Variants in EGFR observed in about 807,000 individuals in gnomAD.
EGFR encodes the protein avian erythroblastic leukemia viral (v-erb-b) oncogene homolog.
In EGFR, 58 loss-of-function variants were observed where a neutral mutation model predicts 143.0. The observed-to-expected ratio is 0.41, with a 90% CI of 0.33 to 0.50. The LOEUF (loss-of-function observed/expected upper bound fraction) is 0.50, where lower values mean the gene tolerates loss of function less well. EGFR is among the 20% of genes least tolerant of loss of function. The pLI is 0.39. For synonymous variants in EGFR, 613 were observed against 594.4 expected, an observed-to-expected ratio of 1.03 and a Z score of -0.45; for missense variants, 1,307 against 1,579.0, an observed-to-expected ratio of 0.83 and a Z score of 2.92.
At chr7:55,133,191 C>T (rs933210090) in intron 1 of EGFR, among the ~76,000 whole-genome samples, 1 of 152,314 alleles carries the variant, frequency 6.6e-6, no homozygotes, top group South Asian at 2.1e-4. Flanking sequence ...TGCACATCAC[C>T]TTGCTAGGGT....
intron 1 of EGFR, among the ~76,000 whole-genome samples, chr7:55,023,907 C>G (rs1435738807): frequency 6.6e-6 from 1 of 152,158 alleles, no homozygotes; most frequent in Non-Finnish European, 1.5e-5. Context: ...AATGAATTTT[C>G]TAAGAAAATT....
intron 27 of EGFR, 111 bp from the exon 28 acceptor site, chr7:55,205,145 C>A (rs1216226247): frequency 1.3e-6 from 2 of 1,520,546 alleles, no homozygotes; most frequent in South Asian, 2.4e-5. Context: ...GGCTCCTGCT[C>A]CCTGTCATAA....
intron 1 of EGFR, among the ~76,000 whole-genome samples, chr7:55,052,648 T>C (rs753647166): frequency 1.3e-5 from 2 of 152,144 alleles, no homozygotes; most frequent in Admixed American, 6.5e-5. Context: ...TGCAGCCAGG[T>C]AGAGAAATGC....
At chr7:55,152,337 A>G in intron 5 of EGFR, 1 of 752,058 alleles carries the variant, frequency 1.3e-6, no homozygotes, top group Non-Finnish European at 2.4e-6. Flanking sequence ...ACTTGATCTC[A>G]TGAGTTCTCT....
At chr7:55,159,296 C>G (rs1361185658) in intron 11 of EGFR, among the ~76,000 whole-genome samples, 1 of 152,122 alleles carries the variant, frequency 6.6e-6, no homozygotes, top group Non-Finnish European at 1.5e-5. Flanking sequence ...GCTAGTGGTT[C>G]TCACACCCAT....
rs751473624 is a variant in EGFR at position 55,151,276 on chromosome 7, ATTACTT to A, written c.560-13_560-8del. 1 of 1,613,890 alleles carries A rather than the reference ATTACTT, an allele frequency of 6.2e-7. No individual in the cohort carries two copies. Among genetic ancestry groups the A allele is most frequent in the East Asian group, 2.2e-5 (1 of 44,882 alleles). On this transcript the variant is annotated splice_polypyrimidine_tract_variant and intron_variant, in intron 4 of 27. Transcript: ENST00000275493. The stretch of plus-strand genomic sequence containing the variant: ...CATCATTTCACTGAGATATGCATCT[ATTACTT>A]TTACATTTCAGGCCAAAAGTGTGAT...
chr7:55,202,936 T>G (rs1787918137), intron 27 of EGFR: 1 of 615,880 alleles, frequency 1.6e-6, no homozygotes, highest in Non-Finnish European at 2.9e-6. Flanking sequence ...TGTGTACATC[T>G]GTGTATGTGT....
rs138267412 is a variant in EGFR, at chr7:55,177,361, C to T, written c.2283+2541C>T. Among the ~76,000 whole-genome samples, 29 of 152,322 alleles carry T rather than the reference C, an allele frequency of 1.9e-4. No homozygotes were observed. The East Asian group carries it at 5.4e-3, about 28-fold the overall frequency. ...GCACCTTAATCCTGTGGCAGGACAG[C>T]TCATGGGGCCATGTGTGCTCTTAGA... On this transcript the variant is annotated intron_variant, in intron 19 of 27. Transcript: ENST00000275493.
chr7:55,075,758 T>C (rs1284556743), intron 1 of EGFR, among the ~76,000 whole-genome samples: 1 of 152,202 alleles, frequency 6.6e-6, no homozygotes, highest in Non-Finnish European at 1.5e-5. Context: ...CAGTGTACTC[T>C]GGGATTGGAA....
chr7:55,022,151 A>G (rs949651685), intron 1 of EGFR, among the ~76,000 whole-genome samples: 2 of 152,166 alleles, frequency 1.3e-5, no homozygotes, highest in Non-Finnish European at 2.9e-5. Context: ...GAGGCAGCTT[A>G]GTCCTCAGTT....
chr7:55,179,235 G>T (rs189949134), intron 19 of EGFR, among the ~76,000 whole-genome samples: 1 of 152,328 alleles, frequency 6.6e-6, no homozygotes, highest in Non-Finnish European at 1.5e-5. Context: ...TCAAAGCAGT[G>T]GCTCTTCAGC....
At chr7:55,063,165 G>T (rs928501340) in intron 1 of EGFR, among the ~76,000 whole-genome samples, 1 of 152,182 alleles carries the variant, frequency 6.6e-6, no homozygotes, top group African/African-American at 2.4e-5. Context: ...CAGAAAATAA[G>T]AGAAATGAAG....
At chr7:55,105,758 C>G (rs1281304862) in intron 1 of EGFR, among the ~76,000 whole-genome samples, 5 of 152,084 alleles carry the variant, frequency 3.3e-5, no homozygotes, top group Non-Finnish European at 1.5e-5. Context: ...TGATTTCATC[C>G]TAAAGATTAT....
intron 1 of EGFR, among the ~76,000 whole-genome samples, chr7:55,054,820 C>T (rs1271908435): frequency 6.6e-6 from 1 of 152,240 alleles, no homozygotes; most frequent in Non-Finnish European, 1.5e-5. Flanking sequence ...AACCATCTCC[C>T]TCAGATGCTC....
At chr7:55,118,007 A>T (rs1792972607) in intron 1 of EGFR, among the ~76,000 whole-genome samples, 1 of 152,196 alleles carries the variant, frequency 6.6e-6, no homozygotes, top group Non-Finnish European at 1.5e-5. Context: ...CACCACTCAG[A>T]CTCGGCGTGT....
At chr7:55,031,299 C>G (rs1179104284) in intron 1 of EGFR, among the ~76,000 whole-genome samples, 1 of 152,188 alleles carries the variant, frequency 6.6e-6, no homozygotes, top group Admixed American at 6.5e-5. Context: ...TGGCTTTAGC[C>G]ACTGAACCTG....
intron 1 of EGFR, among the ~76,000 whole-genome samples, chr7:55,098,495 G>GA (rs930502437): frequency 1.0e-4 from 15 of 150,244 alleles, no homozygotes; most frequent in East Asian, 5.8e-4. Context: ...GTTGTTAAAT[G>GA]AAAAAAAAAC....
intron 15 of EGFR, chr7:55,170,172 C>G: frequency 6.6e-7 from 1 of 1,511,036 alleles, no homozygotes; most frequent in South Asian, 1.2e-5. Flanking sequence ...CCCAGACCCC[C>G]AAATTAAGAA....
intron 20 of EGFR, chr7:55,182,365 G>A (rs17337233): frequency 0.038 from 5,764 of 152,424 alleles, 170 homozygotes; most frequent in Non-Finnish European, 0.052. Context: ...ACACCCACCC[G>A]GCCTGGGCAG....
Sources: gnomAD v4.1 joint callset for allele counts (sites outside exome capture counted in the v4.1 genomes callset) on GRCh38, gnomAD v4.1.1 for gene constraint, MANE v1.5 for transcripts, NCBI Gene and HGNC (gene_info 2026-07-23, HGNC 2026-07-21) for gene names.